The following RBFOX3 variants were observed in gnomAD, a reference collection of about 807,000 sequenced individuals.
The protein encoded by RBFOX3 is RNA binding protein fox-1 homolog 3.
Under a neutral mutation model 48.7 loss-of-function variants are expected in RBFOX3, and 17 were observed. That is an observed-to-expected ratio of 0.35 (90% CI 0.24 to 0.52). The LOEUF is 0.52. Ranked by LOEUF, RBFOX3 falls within the 20% of genes least tolerant of loss-of-function variation. RBFOX3 has a pLI of 0.94. For synonymous variants in RBFOX3, 212 were observed against 209.5 expected, an observed-to-expected ratio of 1.01 and a Z score of -0.10; for missense variants, 382 against 497.5, an observed-to-expected ratio of 0.77 and a Z score of 2.21.
the RBFOX3 span, among the ~76,000 whole-genome samples, chr17:79,620,708 TAGGTATTTCTC>T: frequency 6.6e-6 from 1 of 151,956 alleles, no homozygotes; most frequent in Non-Finnish European, 1.5e-5. Context: ...TGCCGTCCTG[TAGGTATTTCTC>T]AGGCGACCCC....
chr17:79,608,382 A>C (rs1037337132), intron 1 of RBFOX3, among the ~76,000 whole-genome samples: 3 of 152,142 alleles, frequency 2.0e-5, no homozygotes, highest in African/African-American at 7.2e-5. Flanking sequence ...CCCAGAGGCG[A>C]CCCGAGGTCC....
rs1488630939 is a variant in RBFOX3 at position 79,254,050 on chromosome 17, T to TGGCA, written c.-73-18249_-73-18246dup. 9.2e-5 allele frequency among the ~76,000 whole-genome samples: 14 copies of TGGCA among 152,148 alleles called. No homozygotes were observed. On this transcript the variant is annotated intron_variant, in intron 3 of 14. Transcript: ENST00000693108. This position sits in a 1 kb window ranked among gnomAD's most constrained non-coding sequence, Gnocchi z 4.8. The stretch of plus-strand genomic sequence containing the variant: ...GGGAGGGAGCCTTCTCCCCAGCTGG[T>TGGCA]GGCAGGACTTCTGAGTCCTCCATGG...
chr17:79,619,653 G>A, the RBFOX3 span, among the ~76,000 whole-genome samples: 1 of 152,122 alleles, frequency 6.6e-6, no homozygotes, highest in Non-Finnish European at 1.5e-5. Flanking sequence ...GGGATGGGGG[G>A]CAGCTCAACC....
At chr17:79,469,565 C>T (rs1469430475) in intron 2 of RBFOX3, among the ~76,000 whole-genome samples, 4 of 152,308 alleles carry the variant, frequency 2.6e-5, no homozygotes, top group African/African-American at 9.6e-5. Flanking sequence ...TCACATCTCC[C>T]TATGGCACAT....
intron 2 of RBFOX3, among the ~76,000 whole-genome samples, chr17:79,375,361 A>ACACG (rs1490584892): frequency 1.8e-5 from 2 of 109,844 alleles, no homozygotes; most frequent in African/African-American, 6.5e-5. Context: ...GACAGAAGAC[A>ACACG]CACACACACA....
chr17:79,476,136 G>A (rs977459135), intron 2 of RBFOX3, among the ~76,000 whole-genome samples: 8 of 152,192 alleles, frequency 5.3e-5, no homozygotes, highest in Non-Finnish European at 1.0e-4. Context: ...ATTTCCATCT[G>A]GGGAGCAGCG....
rs765431692 is a variant in RBFOX3 at position 79,533,361 on chromosome 17, A to G, written c.-319-50763T>C. On this transcript the variant is annotated intron_variant, in intron 1 of 14. Transcript: ENST00000693108. ...GCCCATTGGCTGGCGGCGGCAGAAC[A>G]GAGGAATAGTGACATTGTCAGCGAG... is the stretch of plus-strand genomic sequence containing the variant. 1.6e-3 allele frequency among the ~76,000 whole-genome samples: 246 copies of G among 152,332 alleles called. 2 individuals carry two copies. The highest frequency in any genetic ancestry group is 2.8e-3 in the Non-Finnish European group (190 of 68,020).
intron 2 of RBFOX3, among the ~76,000 whole-genome samples, chr17:79,401,118 C>G (rs1345756664): frequency 6.6e-6 from 1 of 152,236 alleles, no homozygotes; most frequent in Admixed American, 6.5e-5. Flanking sequence ...CGCTGGTGCT[C>G]GCTTCTGGAG....
intron 4 of RBFOX3, among the ~76,000 whole-genome samples, chr17:79,225,291 C>CTTTTTTTT (rs58461275): frequency 9.7e-4 from 124 of 128,098 alleles, no homozygotes; most frequent in South Asian, 2.6e-3. Context: ...TCCCTCCATT[C>CTTTTTTTT]TTTTTTTTTT....
At chr17:79,371,569 C>T (rs1009226022) in intron 2 of RBFOX3, among the ~76,000 whole-genome samples, 1 of 152,136 alleles carries the variant, frequency 6.6e-6, no homozygotes, top group Admixed American at 6.5e-5. Context: ...AAGAGAAAAT[C>T]GAGACGCCCA....
At chr17:79,573,429 G>C (rs1032753515) in intron 1 of RBFOX3, among the ~76,000 whole-genome samples, 4 of 152,170 alleles carry the variant, frequency 2.6e-5, no homozygotes, top group Non-Finnish European at 5.9e-5. Context: ...GCAGGACCTC[G>C]TGCAGCCTGG....
intron 10 of RBFOX3, 29 bp downstream of exon 10, chr17:79,097,663 T>TACCAAACCCCCCCCCC: frequency 7.2e-7 from 1 of 1,384,058 alleles, no homozygotes; most frequent in Non-Finnish European, 9.8e-7. Flanking sequence ...GCTGGTCTCA[T>TACCAAACCCCCCCCCC]CCCATCCCCG....
chr17:79,611,183 TTCTCTCTCTC>T (rs1196349028), upstream of RBFOX3, among the ~76,000 whole-genome samples: 1 of 41,476 alleles, frequency 2.4e-5, no homozygotes, highest in Non-Finnish European at 3.9e-5. Context: ...TCCGCCCTCC[TTCTCTCTCTC>T]TCTCTCTCTC....
At chr17:79,455,348 C>A (rs550492253) in intron 2 of RBFOX3, among the ~76,000 whole-genome samples, 1 of 152,252 alleles carries the variant, frequency 6.6e-6, no homozygotes, top group East Asian at 1.9e-4. Context: ...AGGAAGAAAC[C>A]GCACCACGCT....
chr17:79,436,151 C>CG (rs1236206469), intron 2 of RBFOX3, among the ~76,000 whole-genome samples: 2 of 152,180 alleles, frequency 1.3e-5, no homozygotes, highest in African/African-American at 4.8e-5. Context: ...CAAACACCCC[C>CG]GGGTAGGCAG....
intron 3 of RBFOX3, among the ~76,000 whole-genome samples, chr17:79,289,863 G>A (rs1265196832): frequency 6.6e-6 from 1 of 152,234 alleles, no homozygotes; most frequent in Non-Finnish European, 1.5e-5. Context: ...CAATAACATT[G>A]ATTGCTAAAA....
At chr17:79,638,726 G>A in the RBFOX3 span, among the ~76,000 whole-genome samples, 6 of 152,138 alleles carry the variant, frequency 3.9e-5, no homozygotes, top group Non-Finnish European at 8.8e-5. Context: ...TGCTCTATTA[G>A]TTCCTGTGAA....
chr17:79,371,462 C>A (rs1244725831), intron 2 of RBFOX3, among the ~76,000 whole-genome samples: 3 of 152,162 alleles, frequency 2.0e-5, no homozygotes, highest in Admixed American at 1.3e-4. Flanking sequence ...GCAGAGTGGC[C>A]CTTGTTGCTG....
intron 3 of RBFOX3, among the ~76,000 whole-genome samples, chr17:79,280,975 C>T (rs190122791): frequency 3.3e-5 from 5 of 152,234 alleles, no homozygotes; most frequent in African/African-American, 4.8e-5. Flanking sequence ...GAAGCGAGCA[C>T]GTGGGTGAGG....
Sources: allele counts gnomAD v4.1 joint callset (sites outside exome capture counted in the v4.1 genomes callset), GRCh38; gene constraint gnomAD v4.1.1; non-coding constraint Gnocchi (gnomAD v3.1); transcripts MANE v1.5; gene names NCBI Gene and HGNC (gene_info 2026-07-23, HGNC 2026-07-21).